The following MIDEAS variants were observed in gnomAD, a reference collection of about 807,000 sequenced individuals.
MIDEAS encodes mitotic deacetylase-associated SANT domain protein.
Under a neutral mutation model 102.7 loss-of-function variants are expected in MIDEAS, and 26 were observed. The ratio of observed to expected loss-of-function variants is 0.25; its 90% confidence interval spans 0.19 to 0.35. The LOEUF is 0.35. Ranked by LOEUF, MIDEAS falls within the 10% of genes least tolerant of loss-of-function variation. MIDEAS has a pLI of 1.00. For synonymous variants in MIDEAS, 585 were observed against 591.0 expected (o/e 0.99, Z 0.15); for missense variants, 1,231 against 1,435.6 (o/e 0.86, Z 2.30).
At chr14:73,735,920 G>A (rs565807371) in intron 3 of MIDEAS, among the ~76,000 whole-genome samples, 1 of 152,282 alleles carries the variant, frequency 6.6e-6, no homozygotes, top group South Asian at 2.1e-4. Context: ...ACTTTGGGAG[G>A]CCAAGGCGGG....
chr14:73,767,648 G>T (rs750437320), intron 1 of MIDEAS, among the ~76,000 whole-genome samples: 7 of 151,944 alleles, frequency 4.6e-5, no homozygotes, highest in Non-Finnish European at 8.8e-5. Flanking sequence ...AAGGGTGGGG[G>T]GAAAAAGGCT....
At chr14:73,771,615 G>A (rs948220340) in intron 1 of MIDEAS, among the ~76,000 whole-genome samples, 9 of 152,222 alleles carry the variant, frequency 5.9e-5, no homozygotes, top group Non-Finnish European at 1.0e-4. Context: ...ATGCCACAGA[G>A]ATATGAGAAG....
chr14:73,768,627 G>A (rs2053612505), intron 1 of MIDEAS, among the ~76,000 whole-genome samples: 1 of 151,242 alleles, frequency 6.6e-6, no homozygotes, highest in Admixed American at 6.6e-5. Context: ...TGGGACTACA[G>A]GTGTGCACCA....
upstream of MIDEAS, among the ~76,000 whole-genome samples, chr14:73,764,375 A>G (rs1332414399): frequency 6.6e-6 from 1 of 150,424 alleles, no homozygotes; most frequent in African/African-American, 2.4e-5. Flanking sequence ...AAAACAAAAC[A>G]AAAAAAAACC....
chr14:73,727,503 G>A lies in MIDEAS; in HGVS notation c.2117C>T (p.Pro706Leu), dbSNP rs755816773. The change falls in exon 5 of 13, where the codon CCT becomes CTT. Residue 706 changes from proline (P) to leucine (L), a missense_variant. Pro to Leu is a moderately conservative substitution (Grantham distance 98). This residue lies in a region of MIDEAS where 391 missense variants were observed against 483.0 expected (regional missense o/e 0.81). Transcript: ENST00000423556. Reference sequence around the variant, plus strand: ...GGCCTCCCCCATCACAGAGAGGACAGGCGGGGTTACTTCAGCACTGTCTAT... The same window carrying A: ...GGCCTCCCCCATCACAGAGAGGACAAGCGGGGTTACTTCAGCACTGTCTAT... ...LRTNSAEVTP[P>L]VLSVMGEATP... 9.3e-6 allele frequency: 15 copies of A among 1,613,184 alleles called. No individual in the cohort carries two copies. The highest frequency in any genetic ancestry group is 1.7e-5 in the Admixed American group (1 of 59,844).
Position 73,739,846 on chromosome 14 carries a change from C to T in MIDEAS, c.163G>A (p.Ala55Thr), listed in dbSNP as rs746579424. The T allele has an allele frequency of 3.1e-6, 5 of 1,604,502 alleles. No individual in the cohort carries two copies. Among genetic ancestry groups the T allele is most frequent in the South Asian group, 1.1e-5 (1 of 90,258 alleles). Residue 55 changes from alanine (A) to threonine (T), a missense_variant, in exon 2 of 13, where the codon GCA becomes ACA. Coordinates refer to ENST00000423556, the MANE Select transcript of MIDEAS (RefSeq NM_001367710.1). ...QYLGHEGPGG[A>T]VSTSQPVELP... Reference sequence around the variant, plus strand: ...TCCACAGGCTGAGAGGTGGAGACTGCCCCTCCTGGACCCTCGTGCCCGAGG... The same window carrying T: ...TCCACAGGCTGAGAGGTGGAGACTGTCCCTCCTGGACCCTCGTGCCCGAGG...
chr14:73,764,548 C>T (rs2053579301), upstream of MIDEAS, among the ~76,000 whole-genome samples: 1 of 152,100 alleles, frequency 6.6e-6, no homozygotes, highest in South Asian at 2.1e-4. Flanking sequence ...CACACTTTTC[C>T]ACAGGGCTGT....
chr14:73,738,790 A>T lies in MIDEAS; in HGVS notation c.1219T>A (p.Ser407Thr), dbSNP rs780259637. 1 of 1,580,444 alleles carries T rather than the reference A, an allele frequency of 6.3e-7. No individual in the cohort carries two copies. The highest frequency in any genetic ancestry group is 8.6e-7 in the Non-Finnish European group (1 of 1,161,882). Residue 407 changes from serine to threonine, a missense_variant, in exon 2 of 13, where the codon TCG (serine) becomes ACG (threonine). Ser to Thr is a moderately conservative substitution (Grantham distance 58). Coordinates refer to ENST00000423556, the MANE Select transcript of MIDEAS (RefSeq NM_001367710.1). ...CTCTCCCCATCAGGCAGTAGCTGCG[A>T]CTCCCTCAGCTCCAGCGGGAATCCC... ...ALGFPLELRE[S>T]QLLPDGERLA...
At chr14:73,763,958 A>G (rs1225366841), upstream of MIDEAS, among the ~76,000 whole-genome samples, 4 of 152,104 alleles carry the variant, frequency 2.6e-5, no homozygotes, top group African/African-American at 4.8e-5. Flanking sequence ...TAACTCAATC[A>G]TGCTATGTAC....
At chr14:73,777,133 G>C (rs959912105) in intron 1 of MIDEAS, among the ~76,000 whole-genome samples, 2 of 151,886 alleles carry the variant, frequency 1.3e-5, no homozygotes, top group Non-Finnish European at 2.9e-5. Context: ...GACCTAAGCA[G>C]GGCCAACCAC....
At position 73,718,784 on chromosome 14, in the gene MIDEAS, C is replaced by T. The variant is rs995772961; in HGVS notation, c.*59G>A. On this transcript the variant is annotated 3_prime_UTR_variant, in exon 13 of 13. Transcript: ENST00000423556. ...CTTGAGATGCCAGGGTGTCTGCGGG[C>T]GCTGGCGGCGGTGCGGGAAGGGCCG... is the stretch of plus-strand genomic sequence containing the variant. 2.0e-5 allele frequency: 27 copies of T among 1,336,928 alleles called. No individual in the cohort carries two copies. The African/African-American group carries it at 2.6e-4, about 13-fold the overall frequency. 82.8% of individuals were successfully genotyped at this position (1,336,928 alleles called of 1,614,324 possible).
chr14:73,738,211 C>T (rs1276303131), intron 2 of MIDEAS, among the ~76,000 whole-genome samples: 1 of 151,922 alleles, frequency 6.6e-6, no homozygotes, highest in Non-Finnish European at 1.5e-5. Flanking sequence ...GCCTGACCAA[C>T]ATGGTAAAAC....
At chr14:73,736,972 G>C (rs1029254966) in intron 3 of MIDEAS, 26 bp downstream of exon 3, 1 of 1,600,730 alleles carries the variant, frequency 6.2e-7, no homozygotes. Flanking sequence ...CGCGCTGGAG[G>C]TGTTTAGAAG....
intron 1 of MIDEAS, among the ~76,000 whole-genome samples, chr14:73,778,961 G>A (rs1327932576): frequency 6.6e-6 from 1 of 151,936 alleles, no homozygotes; most frequent in East Asian, 1.9e-4. Context: ...CTGTTCACAT[G>A]TTCATTTAAC....
At position 73,738,667 on chromosome 14, in the gene MIDEAS, C is replaced by G; in HGVS notation, c.1342G>C (p.Gly448Arg). 6.2e-7 allele frequency: 1 copy of G among 1,613,898 alleles called. No homozygotes were observed. The highest frequency in any genetic ancestry group is 8.5e-7 in the Non-Finnish European group (1 of 1,179,950). The change falls in exon 2 of 13, where the codon GGC becomes CGC. Residue 448 changes from glycine (G) to arginine (R), a missense_variant. Gly to Arg is a moderately radical substitution (Grantham distance 125). Coordinates refer to ENST00000423556, the MANE Select transcript of MIDEAS (RefSeq NM_001367710.1). ...STGDCGQVLR[G>R]GVIQSTRRRR... ...CGTCGCGTGCTCTGGATCACTCCGC[C>G]CCGTAGCACCTGCCCACAGTCCCCT... is the stretch of plus-strand genomic sequence containing the variant.
chr14:73,743,969 C>T (rs1370806134), intron 1 of MIDEAS, among the ~76,000 whole-genome samples: 1 of 151,944 alleles, frequency 6.6e-6, no homozygotes, highest in Non-Finnish European at 1.5e-5. Context: ...ACAATCAAGA[C>T]CAAGGCCTGG....
At chr14:73,787,239 G>A (rs1388673499) in exon 1 of MIDEAS, 2 of 148,384 alleles carry the variant, frequency 1.3e-5, no homozygotes, top group African/African-American at 2.5e-5. Flanking sequence ...CGGGCTGTGC[G>A]GCCCGGGCTG....
In MIDEAS at chr14:73,737,243, A is replaced by C. The variant is rs369051767; in HGVS notation, c.1504T>G (p.Cys502Gly). ...GAAGGCTCAGAAAACTCCACCCCAC[A>C]CTTGGTAGTTGAGGCCAATACACTT... ...RKSVLASTTK[C>G]GVEFSEPSLA... Residue 502 changes from cysteine to glycine, a missense_variant, in exon 3 of 13, where the codon TGT becomes GGT. Physicochemically the swap from Cys to Gly is radical, Grantham distance 159 (BLOSUM62 -3). This residue lies in a region of MIDEAS where 758 missense variants were observed against 856.0 expected (regional missense o/e 0.89). Transcript: ENST00000423556. 6 of 1,614,050 alleles carry C rather than the reference A, an allele frequency of 3.7e-6. No individual in the cohort carries two copies. The highest frequency in any genetic ancestry group is 4.2e-6 in the Non-Finnish European group (5 of 1,179,958).
chr14:73,741,673 C>T (rs2053283007), intron 1 of MIDEAS, among the ~76,000 whole-genome samples: 1 of 152,154 alleles, frequency 6.6e-6, no homozygotes, highest in Non-Finnish European at 1.5e-5. Context: ...AGCTCCCCAG[C>T]CCCTGTGCTC....
Sources: allele counts gnomAD v4.1 joint callset (sites outside exome capture counted in the v4.1 genomes callset), GRCh38; gene constraint gnomAD v4.1.1; regional missense constraint gnomAD v4.1.1; transcripts MANE v1.5; gene names NCBI Gene and HGNC (gene_info 2026-07-23, HGNC 2026-07-21).